ADAMTS6: variants seen among roughly 807,000 people sequenced by gnomAD.
ADAMTS6 encodes the protein A disintegrin and metalloproteinase with thrombospondin motifs 6.
A neutral mutation model predicts 144.3 loss-of-function variants in ADAMTS6; 23 were observed. The observed-to-expected ratio is 0.16, with a 90% CI of 0.11 to 0.23. The LOEUF (loss-of-function observed/expected upper bound fraction) is 0.23. Ranked by LOEUF, ADAMTS6 falls within the 10% of genes least tolerant of loss-of-function variation. The pLI, the probability that ADAMTS6 is intolerant of heterozygous loss-of-function variation, is 1.00. For missense variants in ADAMTS6, 999 were observed against 1,379.6 expected (o/e 0.72, Z 4.37); for synonymous variants, 444 against 457.5 (o/e 0.97, Z 0.38).
At chr5:65,387,352 C>A (rs1034514908) in intron 7 of ADAMTS6, among the ~76,000 whole-genome samples, 23 of 152,120 alleles carry the variant, frequency 1.5e-4, no homozygotes, top group African/African-American at 5.3e-4. Context: ...AATCATCAAA[C>A]TATTGTAGCT....
At chr5:65,205,423 A>G (rs776281576) in intron 20 of ADAMTS6, among the ~76,000 whole-genome samples, 5 of 152,178 alleles carry the variant, frequency 3.3e-5, no homozygotes, top group African/African-American at 7.2e-5. Flanking sequence ...TCTCTGTTTT[A>G]TCTGGTACTT....
intron 18 of ADAMTS6, among the ~76,000 whole-genome samples, chr5:65,215,929 T>C (rs1038764601): frequency 3.3e-5 from 5 of 152,178 alleles, no homozygotes; most frequent in African/African-American, 1.2e-4. Context: ...CCCAAGTTCA[T>C]ATGGGAATTC....
rs570651438 is a variant in ADAMTS6, at chr5:65,282,876, T to A, written c.1512+8453A>T. On this transcript the variant is annotated intron_variant, in intron 11 of 24. Coordinates refer to ENST00000381055, the MANE Select transcript of ADAMTS6 (RefSeq NM_197941.4). ...CTTGGCCAAGAAGGAAGGTGGGGTCTAACGGTTGAGGAGCTTAGGATTTTA... is the reference window on the plus strand; with the variant it reads ...CTTGGCCAAGAAGGAAGGTGGGGTCAAACGGTTGAGGAGCTTAGGATTTTA... Among the ~76,000 whole-genome samples the A allele has an allele frequency of 3.3e-5, 5 of 152,264 alleles. No individual in the cohort carries two copies. The East Asian group carries it at 9.6e-4, about 29-fold the overall frequency.
chr5:65,290,602 C>G (rs1463891350), intron 11 of ADAMTS6, among the ~76,000 whole-genome samples: 1 of 152,010 alleles, frequency 6.6e-6, no homozygotes, highest in Non-Finnish European at 1.5e-5. Context: ...TTTTTTAAAT[C>G]TGAATTTTTT....
At chr5:65,203,252 A>G in intron 20 of ADAMTS6, among the ~76,000 whole-genome samples, 1 of 152,208 alleles carries the variant, frequency 6.6e-6, no homozygotes, top group East Asian at 1.9e-4. Flanking sequence ...GCATGGGTGT[A>G]CATGCTCACA....
At chr5:65,406,080 T>C (rs1274867836) in intron 7 of ADAMTS6, among the ~76,000 whole-genome samples, 1 of 152,168 alleles carries the variant, frequency 6.6e-6, no homozygotes, top group Non-Finnish European at 1.5e-5. Flanking sequence ...TATACAATCA[T>C]GTCATCTGCA....
chr5:65,426,623 G>T (rs901003778), intron 7 of ADAMTS6, among the ~76,000 whole-genome samples: 1 of 151,970 alleles, frequency 6.6e-6, no homozygotes, highest in African/African-American at 2.4e-5. Flanking sequence ...GAGTTAAGTG[G>T]CAGATTAATC....
At chr5:65,186,987 C>T (rs1424463779) in intron 22 of ADAMTS6, among the ~76,000 whole-genome samples, 2 of 152,156 alleles carry the variant, frequency 1.3e-5, no homozygotes, top group Admixed American at 6.5e-5. Context: ...CCAAAGGTTC[C>T]TAAAGAACAA....
intron 7 of ADAMTS6, among the ~76,000 whole-genome samples, chr5:65,420,672 G>A (rs1004290306): frequency 4.6e-5 from 7 of 151,904 alleles, no homozygotes; most frequent in Admixed American, 1.3e-4. Flanking sequence ...TGACCACTGC[G>A]CCCGGCCTCT....
At chr5:65,347,912 A>G (rs1387170890) in intron 7 of ADAMTS6, among the ~76,000 whole-genome samples, 3 of 152,172 alleles carry the variant, frequency 2.0e-5, no homozygotes, top group Non-Finnish European at 2.9e-5. Context: ...GCCAAGAAAC[A>G]TATGAAAGAA....
chr5:65,274,641 C>G (rs1762311431), intron 11 of ADAMTS6, among the ~76,000 whole-genome samples: 1 of 152,046 alleles, frequency 6.6e-6, no homozygotes, highest in East Asian at 1.9e-4. Flanking sequence ...TGCCTCCTAC[C>G]AGGCAGAGAG....
In ADAMTS6 at chr5:65,319,763, A is replaced by G. The variant is rs1242895786; in HGVS notation, c.1223+9615T>C. On this transcript the variant is annotated intron_variant, in intron 9 of 24. Coordinates refer to ENST00000381055, the MANE Select transcript of ADAMTS6 (RefSeq NM_197941.4). Reference sequence around the variant, plus strand: ...AGGGAAGGAAGGAAGGAAGGAAGGAAGGAAGGAAGGAAGGAAGGAAGGAAG... The same window carrying G: ...AGGGAAGGAAGGAAGGAAGGAAGGAGGGAAGGAAGGAAGGAAGGAAGGAAG... Among the ~76,000 whole-genome samples the G allele has an allele frequency of 8.6e-4, 122 of 142,510 alleles. 1 individual carries two copies. The highest frequency in any genetic ancestry group is 3.0e-3 in the African/African-American group (117 of 38,838). The allele number at this position is 142,510 out of a possible 152,430, so 93.5% of individuals were successfully genotyped here.
At chr5:65,398,479 C>T (rs940287364) in intron 7 of ADAMTS6, among the ~76,000 whole-genome samples, 3 of 151,994 alleles carry the variant, frequency 2.0e-5, no homozygotes, top group South Asian at 4.2e-4. Context: ...AATCCCAACA[C>T]TTTGGGAGGC....
Position 65,192,094 on chromosome 5 carries a change from T to G in ADAMTS6, c.2706-3874A>C, listed in dbSNP as rs188706776. 1.1e-4 allele frequency among the ~76,000 whole-genome samples: 17 copies of G among 152,200 alleles called. No homozygotes were observed. In the East Asian group the frequency reaches 3.1e-3, roughly 28 times the overall value. On this transcript the variant is annotated intron_variant, in intron 21 of 24. Coordinates refer to ENST00000381055, the MANE Select transcript of ADAMTS6 (RefSeq NM_197941.4). ...TAAGCTTAAAATAAGAGATGACAGT[T>G]GTCCATGGGTGAGGTCCAATGACTC...
chr5:65,459,377 T>G (rs553520236), intron 4 of ADAMTS6, among the ~76,000 whole-genome samples: 1 of 152,258 alleles, frequency 6.6e-6, no homozygotes, highest in South Asian at 2.1e-4. Context: ...TTAACATGGT[T>G]TATAAGCTCT....
intron 7 of ADAMTS6, among the ~76,000 whole-genome samples, chr5:65,342,776 G>A (rs1192327831): frequency 6.6e-6 from 1 of 152,074 alleles, no homozygotes; most frequent in Non-Finnish European, 1.5e-5. Flanking sequence ...CCTGTTTGCA[G>A]ATGACATAAT....
intron 7 of ADAMTS6, among the ~76,000 whole-genome samples, chr5:65,399,498 T>C (rs1291688472): frequency 6.6e-6 from 1 of 152,218 alleles, no homozygotes; most frequent in Non-Finnish European, 1.5e-5. Flanking sequence ...ACTTTCTCTC[T>C]TATTTTCGTG....
At chr5:65,458,415 C>CT (rs1475954941) in intron 4 of ADAMTS6, among the ~76,000 whole-genome samples, 3 of 151,892 alleles carry the variant, frequency 2.0e-5, no homozygotes, top group Admixed American at 1.3e-4. Context: ...GCAATCCTTT[C>CT]TTTTTTTTGT....
intron 7 of ADAMTS6, among the ~76,000 whole-genome samples, chr5:65,419,880 T>A (rs113507015): frequency 0.02 from 3,022 of 152,302 alleles, 83 homozygotes; most frequent in African/African-American, 0.066. Context: ...CTTTTTGGGG[T>A]AATGGAAATG....
Sources: allele counts gnomAD v4.1 joint callset (sites outside exome capture counted in the v4.1 genomes callset), GRCh38; gene constraint gnomAD v4.1.1; transcripts MANE v1.5; gene names NCBI Gene and HGNC (gene_info 2026-07-23, HGNC 2026-07-21).